Variants in GPHN observed in about 807,000 individuals in gnomAD.
The protein encoded by GPHN is gephyrin.
Under a neutral mutation model 95.5 loss-of-function variants are expected in GPHN, and 17 were observed. The ratio of observed to expected loss-of-function variants is 0.18; its 90% confidence interval spans 0.12 to 0.27. GPHN has a LOEUF of 0.27. GPHN is among the 10% of genes least tolerant of loss of function. GPHN has a pLI of 1.00. For synonymous variants in GPHN, 320 were observed against 322.5 expected (o/e 0.99, Z 0.08); for missense variants, 660 against 978.1 (o/e 0.67, Z 4.34).
chr14:66,939,211 C>T (rs1262479909), intron 8 of GPHN, among the ~76,000 whole-genome samples: 2 of 152,082 alleles, frequency 1.3e-5, no homozygotes, highest in African/African-American at 4.8e-5. Context: ...AATCTTTGCA[C>T]ATCCAAAGAT....
chr14:67,568,548 T>C, the GPHN span, among the ~76,000 whole-genome samples: 1 of 151,692 alleles, frequency 6.6e-6, no homozygotes, highest in Admixed American at 6.6e-5. Context: ...ATGACACACG[T>C]TTACCTACAT....
intron 1 of GPHN, among the ~76,000 whole-genome samples, chr14:66,582,444 G>C (rs970699852): frequency 6.6e-6 from 1 of 151,698 alleles, no homozygotes; most frequent in Non-Finnish European, 1.5e-5. Context: ...GCAGGTTTGT[G>C]ACATATGTAT....
intron 2 of GPHN, among the ~76,000 whole-genome samples, chr14:66,760,297 A>C (rs2058712472): frequency 6.6e-6 from 1 of 152,212 alleles, no homozygotes; most frequent in Admixed American, 6.5e-5. Context: ...AAATTTTAGT[A>C]GTGTATCAAG....
chr14:67,572,783 A>G, the GPHN span, among the ~76,000 whole-genome samples: 1 of 151,934 alleles, frequency 6.6e-6, no homozygotes, highest in Non-Finnish European at 1.5e-5. Flanking sequence ...CCCTCGCCCC[A>G]CACCTCTCTG....
the GPHN span, among the ~76,000 whole-genome samples, chr14:67,234,451 C>A: frequency 0.47 from 71,851 of 152,042 alleles, 20,449 homozygotes; most frequent in Middle Eastern, 0.65. Context: ...TGACTGAAAA[C>A]TGACTTTTGC....
At chr14:67,028,331 G>A (rs2074027666) in intron 10 of GPHN, among the ~76,000 whole-genome samples, 1 of 152,192 alleles carries the variant, frequency 6.6e-6, no homozygotes, top group South Asian at 2.1e-4. Context: ...AATCATGGGG[G>A]TACAGGCATC....
In GPHN at chr14:66,508,503, C is replaced by G; in HGVS notation, c.-25C>G. The G allele has an allele frequency of 6.2e-7, 1 of 1,611,570 alleles. No homozygotes were observed. Among genetic ancestry groups the G allele is most frequent in the Non-Finnish European group, 8.5e-7 (1 of 1,177,674 alleles). ...GGCTCCGGTTTCTCCCGGCTCCTGTCAGTGCGGTGACTGCGCTGGGAAACA... is the reference window on the plus strand; with the variant it reads ...GGCTCCGGTTTCTCCCGGCTCCTGTGAGTGCGGTGACTGCGCTGGGAAACA... On this transcript the variant is annotated 5_prime_UTR_variant, in exon 1 of 23. Transcript: ENST00000478722.
At chr14:67,222,684 T>A in the GPHN span, among the ~76,000 whole-genome samples, 1 of 152,182 alleles carries the variant, frequency 6.6e-6, no homozygotes, top group Non-Finnish European at 1.5e-5. Context: ...GTGGAGGTTG[T>A]CTTATAGGCA....
At chr14:67,507,562 C>A in the GPHN span, among the ~76,000 whole-genome samples, 1 of 152,048 alleles carries the variant, frequency 6.6e-6, no homozygotes, top group East Asian at 1.9e-4. Context: ...GATCCTCCCA[C>A]CTCAGCCTCC....
At chr14:67,721,782 A>G in the GPHN span, among the ~76,000 whole-genome samples, 6 of 150,526 alleles carry the variant, frequency 4.0e-5, no homozygotes, top group African/African-American at 1.5e-4. Flanking sequence ...ACATATATAT[A>G]TAAAACCATA....
At chr14:66,773,183 T>C (rs186342076) in intron 2 of GPHN, among the ~76,000 whole-genome samples, 24 of 152,208 alleles carry the variant, frequency 1.6e-4, no homozygotes, top group Admixed American at 1.4e-3. Flanking sequence ...GAAGTGTATG[T>C]CAGGAAAAAG....
At chr14:67,023,554 G>T in intron 9 of GPHN, 79 bp from the exon 10 acceptor site, 1 of 1,058,038 alleles carries the variant, frequency 9.5e-7, no homozygotes, top group Non-Finnish European at 1.5e-6. Context: ...CTAGACCTCA[G>T]GAGCTTGCCC....
intron 1 of GPHN, among the ~76,000 whole-genome samples, chr14:66,534,672 G>A (rs1279229037): frequency 6.6e-6 from 1 of 152,150 alleles, no homozygotes; most frequent in Non-Finnish European, 1.5e-5. Flanking sequence ...AGCAATGTAG[G>A]AGGGTTTGAG....
At chr14:66,572,532 T>G (rs1267800610) in intron 1 of GPHN, among the ~76,000 whole-genome samples, 1 of 152,006 alleles carries the variant, frequency 6.6e-6, no homozygotes, top group Non-Finnish European at 1.5e-5. Flanking sequence ...GTAGCTATGG[T>G]AAATGGTATT....
At chr14:67,285,399 C>T in the GPHN span, among the ~76,000 whole-genome samples, 1 of 144,422 alleles carries the variant, frequency 6.9e-6, no homozygotes, top group Non-Finnish European at 1.5e-5. Flanking sequence ...CGGAGTCTCG[C>T]TCTGTCGCCC....
In GPHN at chr14:66,842,573, G is replaced by A. The variant is rs2062143429; in HGVS notation, c.294+18007G>A. ...ATTCTGAGGAAGGGAGAAGGTTCAGGCTGGTTCTTATTTCCCTGAACCAGT... is the reference window on the plus strand; with the variant it reads ...ATTCTGAGGAAGGGAGAAGGTTCAGACTGGTTCTTATTTCCCTGAACCAGT... On this transcript the variant is annotated intron_variant, in intron 4 of 22. Coordinates refer to ENST00000478722, the MANE Select transcript of GPHN (RefSeq NM_020806.5). The A allele has an allele frequency of 2.7e-5, 20 of 754,366 alleles. 1 individual carries two copies. In the South Asian group the frequency reaches 3.1e-4, roughly 12 times the overall value. 46.7% of individuals were successfully genotyped at this position (754,366 alleles called of 1,614,324 possible). A position where few individuals can be genotyped will look rare whatever the true frequency, so the allele number is the denominator to read the frequency against.
At chr14:66,518,129 GA>G (rs1164225036) in intron 1 of GPHN, among the ~76,000 whole-genome samples, 1 of 116,342 alleles carries the variant, frequency 8.6e-6, no homozygotes, top group Admixed American at 8.4e-5. Flanking sequence ...AAATAACCCA[GA>G]AAAAAACAAA....
At chr14:67,178,788 TAAAGAC>T (rs144299053) in intron 21 of GPHN, among the ~76,000 whole-genome samples, 116 of 152,218 alleles carry the variant, frequency 7.6e-4, no homozygotes, top group African/African-American at 2.6e-3. Context: ...TGTCAAAAGT[TAAAGAC>T]AAAGAATTAT....
At chr14:67,183,434 A>G (rs1224777634), downstream of GPHN, among the ~76,000 whole-genome samples, 3 of 152,210 alleles carry the variant, frequency 2.0e-5, no homozygotes, top group African/African-American at 7.2e-5. Flanking sequence ...TTTTTCCTGT[A>G]TTATAGATGA....
Sources: gnomAD v4.1 joint callset for allele counts (sites outside exome capture counted in the v4.1 genomes callset) on GRCh38, gnomAD v4.1.1 for gene constraint, MANE v1.5 for transcripts, NCBI Gene and HGNC (gene_info 2026-07-23, HGNC 2026-07-21) for gene names.